The following FMN2 variants were observed in gnomAD, a reference collection of about 807,000 sequenced individuals.
FMN2 encodes formin 2.
A neutral mutation model predicts 142.3 loss-of-function variants in FMN2; 51 were observed. The observed-to-expected ratio is 0.36, with a 90% CI of 0.29 to 0.45. The LOEUF is 0.45. Among genes scored for constraint, FMN2 ranks in the 20% least tolerant of loss-of-function variants. The pLI is 1.00. For synonymous variants in FMN2, 882 were observed against 869.8 expected, an observed-to-expected ratio of 1.01 and a Z score of -0.25; for missense variants, 1,936 against 2,122.8, an observed-to-expected ratio of 0.91 and a Z score of 1.73.
At chr1:240,130,757 CAT>C (rs1409209481) in intron 2 of FMN2, among the ~76,000 whole-genome samples, 6 of 152,152 alleles carry the variant, frequency 3.9e-5, no homozygotes, top group African/African-American at 1.4e-4. Context: ...GGTGAAGAAA[CAT>C]AGCTTTTCCC....
At chr1:240,215,034 T>C (rs1160050607) in intron 6 of FMN2, among the ~76,000 whole-genome samples, 2 of 152,024 alleles carry the variant, frequency 1.3e-5, no homozygotes, top group Admixed American at 6.6e-5. Flanking sequence ...ACCACTGCAC[T>C]CCAGCCAGGG....
intron 7 of FMN2, among the ~76,000 whole-genome samples, chr1:240,276,012 G>A (rs950358066): frequency 1.3e-5 from 2 of 152,170 alleles, no homozygotes. Flanking sequence ...AGAATCCAGC[G>A]TATAAGAGGG....
At chr1:240,368,108 T>A (rs28493996) in intron 14 of FMN2, among the ~76,000 whole-genome samples, 1 of 152,324 alleles carries the variant, frequency 6.6e-6, no homozygotes, top group Non-Finnish European at 1.5e-5. Context: ...TATTTATCCT[T>A]ATAACAAAAC....
At chr1:240,434,822 C>A (rs1217067574) in intron 15 of FMN2, among the ~76,000 whole-genome samples, 1 of 151,030 alleles carries the variant, frequency 6.6e-6, no homozygotes, top group African/African-American at 2.4e-5. Flanking sequence ...TCCGCTGCCT[C>A]AGCCTCCCAA....
intron 7 of FMN2, among the ~76,000 whole-genome samples, chr1:240,274,770 G>A (rs937850677): frequency 2.0e-5 from 3 of 152,092 alleles, no homozygotes; most frequent in Non-Finnish European, 2.9e-5. Context: ...AATATGTTTC[G>A]AGGGAGGAGG....
chr1:240,295,214 A>G (rs113991563), intron 8 of FMN2, among the ~76,000 whole-genome samples: 1 of 125,870 alleles, frequency 7.9e-6, no homozygotes, highest in African/African-American at 2.8e-5. Context: ...ACACACACAC[A>G]CACACACACA....
At chr1:240,358,511 T>G (rs1179018764) in intron 14 of FMN2, among the ~76,000 whole-genome samples, 1 of 152,176 alleles carries the variant, frequency 6.6e-6, no homozygotes, top group South Asian at 2.1e-4. Context: ...GGGTAATTTA[T>G]AAAGAAAAGA....
intron 2 of FMN2, among the ~76,000 whole-genome samples, chr1:240,140,661 T>C (rs953980373): frequency 1.4e-5 from 2 of 147,914 alleles, no homozygotes; most frequent in Non-Finnish European, 3.0e-5. Flanking sequence ...GGTTAAATTC[T>C]GTGGGGGGTG....
At chr1:240,422,455 G>T (rs1193613321) in intron 15 of FMN2, among the ~76,000 whole-genome samples, 1 of 152,056 alleles carries the variant, frequency 6.6e-6, no homozygotes, top group Non-Finnish European at 1.5e-5. Context: ...TCCTCATATA[G>T]ATCTTGTACA....
chr1:240,104,540 C>T (rs1661533224), intron 1 of FMN2, among the ~76,000 whole-genome samples: 1 of 152,192 alleles, frequency 6.6e-6, no homozygotes, highest in South Asian at 2.1e-4. Context: ...AGTAGACATA[C>T]AGAACTGCTT....
intron 2 of FMN2, among the ~76,000 whole-genome samples, chr1:240,147,994 T>G (rs889429857): frequency 5.3e-5 from 8 of 152,220 alleles, no homozygotes; most frequent in Non-Finnish European, 1.2e-4. Flanking sequence ...GCTGCTCTTG[T>G]CTTTTGTTCT....
At chr1:240,119,164 C>G (rs1662138518) in intron 1 of FMN2, among the ~76,000 whole-genome samples, 1 of 151,952 alleles carries the variant, frequency 6.6e-6, no homozygotes, top group Non-Finnish European at 1.5e-5. Context: ...CTCCTCTCTA[C>G]TAAAGATACA....
intron 7 of FMN2, among the ~76,000 whole-genome samples, chr1:240,262,918 G>A (rs1432416145): frequency 6.6e-6 from 1 of 151,564 alleles, no homozygotes; most frequent in East Asian, 1.9e-4. Flanking sequence ...CTGCCACCAC[G>A]CCCAGCTAAT....
chr1:240,271,073 AC>A (rs151018082), intron 7 of FMN2, among the ~76,000 whole-genome samples: 34,395 of 132,038 alleles, frequency 0.26, 4,579 homozygotes, highest in Middle Eastern at 0.36. Flanking sequence ...TAACCCTTTG[AC>A]CCCCCTAGGA....
At chr1:240,448,132 C>T (rs924086335) in intron 16 of FMN2, among the ~76,000 whole-genome samples, 1 of 152,140 alleles carries the variant, frequency 6.6e-6, no homozygotes, top group Non-Finnish European at 1.5e-5. Flanking sequence ...AAACTACAAA[C>T]ATGAGTATTA....
At chr1:240,263,805 A>G (rs1207691748) in intron 7 of FMN2, among the ~76,000 whole-genome samples, 1 of 152,180 alleles carries the variant, frequency 6.6e-6, no homozygotes, top group Non-Finnish European at 1.5e-5. Context: ...TACTGCAGGG[A>G]TACCCAGCCC....
intron 15 of FMN2, among the ~76,000 whole-genome samples, chr1:240,411,966 C>T (rs1674409370): frequency 6.6e-6 from 1 of 152,248 alleles, no homozygotes; most frequent in East Asian, 1.9e-4. Context: ...TGTACATCCT[C>T]AATATAAACA....
intron 2 of FMN2, among the ~76,000 whole-genome samples, chr1:240,136,915 AC>A (rs1662965816): frequency 6.6e-6 from 1 of 151,928 alleles, no homozygotes; most frequent in Admixed American, 6.6e-5. Flanking sequence ...TACTACAAAT[AC>A]AAAAATTAGC....
chr1:240,125,118 T>A (rs765631573), intron 2 of FMN2, among the ~76,000 whole-genome samples: 1 of 152,244 alleles, frequency 6.6e-6, no homozygotes, highest in Non-Finnish European at 1.5e-5. Context: ...TAATAAATAA[T>A]AAAGTGTCTA....
Sources: allele counts gnomAD v4.1 joint callset (sites outside exome capture counted in the v4.1 genomes callset), GRCh38; gene constraint gnomAD v4.1.1; transcripts MANE v1.5; gene names NCBI Gene and HGNC (gene_info 2026-07-23, HGNC 2026-07-21).